The following FGF12 variants were observed in gnomAD, a reference collection of about 807,000 sequenced individuals.
The protein encoded by FGF12 is fibroblast growth factor 12B.
FGF12 carries 14 observed loss-of-function variants against 23.6 expected under a neutral mutation model. The observed-to-expected ratio is 0.59, with a 90% CI of 0.39 to 0.93. The LOEUF (loss-of-function observed/expected upper bound fraction) is 0.93. Ranked by LOEUF, FGF12 falls within the 40% of genes least tolerant of loss-of-function variation. The probability of loss-of-function intolerance (pLI) is 0.00; values close to 1 mark genes in which losing one functional copy is unlikely to be tolerated. For missense variants in FGF12, 175 were observed against 217.8 expected, an observed-to-expected ratio of 0.80 and a Z score of 1.24; for synonymous variants, 62 against 77.3, an observed-to-expected ratio of 0.80 and a Z score of 1.04.
chr3:192,569,984 AGCCAGT>A (rs1407890829), intron 2 of FGF12, among the ~76,000 whole-genome samples: 1 of 152,222 alleles, frequency 6.6e-6, no homozygotes, highest in Non-Finnish European at 1.5e-5. Flanking sequence ...CCCTACACTG[AGCCAGT>A]GCCGTAAAAG....
intron 2 of FGF12, among the ~76,000 whole-genome samples, chr3:192,410,278 C>T (rs1051180634): frequency 4.6e-5 from 7 of 152,162 alleles, no homozygotes; most frequent in Non-Finnish European, 7.4e-5. Flanking sequence ...TCCCGCCACC[C>T]CTCTCCCTCC....
At chr3:192,471,469 G>A (rs1723171731) in intron 2 of FGF12, among the ~76,000 whole-genome samples, 1 of 152,130 alleles carries the variant, frequency 6.6e-6, no homozygotes, top group Admixed American at 6.6e-5. Context: ...ATAATGTAAT[G>A]AGAAGAAATA....
intron 2 of FGF12, among the ~76,000 whole-genome samples, chr3:192,609,519 C>T (rs1714471609): frequency 6.6e-6 from 1 of 152,042 alleles, no homozygotes; most frequent in Non-Finnish European, 1.5e-5. Context: ...CATGTCTGTT[C>T]TTAAGATGCC....
intron 4 of FGF12, among the ~76,000 whole-genome samples, chr3:192,171,868 A>T (rs1204672081): frequency 7.1e-6 from 1 of 140,388 alleles, no homozygotes; most frequent in African/African-American, 2.6e-5. Flanking sequence ...CCTTATTTGT[A>T]GAGAGTGCTC....
chr3:192,358,626 T>A (rs943562850), intron 3 of FGF12, among the ~76,000 whole-genome samples: 8 of 152,116 alleles, frequency 5.3e-5, no homozygotes, highest in Non-Finnish European at 1.2e-4. Context: ...CGTTGTCAAT[T>A]ATTTTCCTAG....
At chr3:192,503,032 C>T (rs1020767962) in intron 2 of FGF12, among the ~76,000 whole-genome samples, 4 of 152,208 alleles carry the variant, frequency 2.6e-5, no homozygotes, top group African/African-American at 7.2e-5. Context: ...TGGCAAAGTT[C>T]TTGCGCCTCA....
chr3:192,633,527 T>C (rs1319455323), intron 2 of FGF12, among the ~76,000 whole-genome samples: 1 of 152,060 alleles, frequency 6.6e-6, no homozygotes, highest in Non-Finnish European at 1.5e-5. Context: ...ACACAAGTAA[T>C]AGGATGTGGA....
intron 5 of FGF12, among the ~76,000 whole-genome samples, chr3:192,144,830 T>A (rs1222355954): frequency 6.6e-6 from 1 of 152,222 alleles, no homozygotes; most frequent in African/African-American, 2.4e-5. Context: ...TATTCCTAGA[T>A]AATTGTTTAG....
chr3:192,390,530 G>C (rs1046375813), intron 2 of FGF12, among the ~76,000 whole-genome samples: 2 of 152,200 alleles, frequency 1.3e-5, no homozygotes, highest in Admixed American at 6.5e-5. Flanking sequence ...CCAGGTAGGA[G>C]ATTCTACAAC....
chr3:192,663,325 C>T (rs1054997722), intron 2 of FGF12, among the ~76,000 whole-genome samples: 1 of 152,162 alleles, frequency 6.6e-6, no homozygotes, highest in Non-Finnish European at 1.5e-5. Flanking sequence ...TACAATAGTA[C>T]TCTCTTCGCA....
intron 4 of FGF12, among the ~76,000 whole-genome samples, chr3:192,308,681 A>G (rs1000012861): frequency 1.5e-5 from 2 of 134,748 alleles, no homozygotes; most frequent in African/African-American, 6.6e-5. Context: ...ACTCCATCTC[A>G]AAAAAAAAAA....
At chr3:192,155,057 G>A (rs1714310680) in intron 5 of FGF12, among the ~76,000 whole-genome samples, 1 of 150,922 alleles carries the variant, frequency 6.6e-6, no homozygotes, top group Non-Finnish European at 1.5e-5. Flanking sequence ...GCAATATTCG[G>A]GTGGGAGTGA....
chr3:192,432,412 A>G (rs1294599140), intron 2 of FGF12, among the ~76,000 whole-genome samples: 4 of 152,148 alleles, frequency 2.6e-5, no homozygotes, highest in Admixed American at 2.6e-4. Context: ...CATACCCTAT[A>G]TAATCCACTC....
At chr3:192,266,798 C>CCACA (rs376275029) in intron 4 of FGF12, among the ~76,000 whole-genome samples, 2,119 of 146,788 alleles carry the variant, frequency 0.014, 34 homozygotes, top group African/African-American at 0.048. Flanking sequence ...TCTTTAAACA[C>CCACA]CACACACACA....
chr3:192,664,607 A>C (rs1716793102), intron 2 of FGF12, among the ~76,000 whole-genome samples: 1 of 142,550 alleles, frequency 7.0e-6, no homozygotes, highest in Admixed American at 7.0e-5. Context: ...AAAAAATACA[A>C]AAAAAAAAAA....
chr3:192,653,708 C>A (rs998138562), intron 2 of FGF12, among the ~76,000 whole-genome samples: 20 of 145,904 alleles, frequency 1.4e-4, no homozygotes, highest in African/African-American at 4.3e-4. Flanking sequence ...AATATATATT[C>A]CTCATTTGAG....
At position 192,207,416 on chromosome 3, in the gene FGF12, G is replaced by C. The variant is rs1577235879; in HGVS notation, c.229-36760C>G. On this transcript the variant is annotated intron_variant, in intron 4 of 5. Transcript: ENST00000445105. ...ATGACTAACTTTCCTTGGAATGCTG[G>C]AACAGTGATATTTGAGCTGAAGCTT... 6.6e-5 allele frequency among the ~76,000 whole-genome samples: 10 copies of C among 152,310 alleles called. 2 individuals carry two copies.
chr3:192,669,145 G>T (rs1290973555), intron 2 of FGF12, among the ~76,000 whole-genome samples: 1 of 152,164 alleles, frequency 6.6e-6, no homozygotes, highest in Non-Finnish European at 1.5e-5. Context: ...AATCGTATAT[G>T]TTAGAGTAGA....
At chr3:192,432,841 C>T (rs201345970) in intron 2 of FGF12, among the ~76,000 whole-genome samples, 1 of 151,964 alleles carries the variant, frequency 6.6e-6, no homozygotes, top group Non-Finnish European at 1.5e-5. Flanking sequence ...ACTGACCCAC[C>T]GAAACTGAGA....
Sources: allele counts gnomAD v4.1 joint callset (sites outside exome capture counted in the v4.1 genomes callset), GRCh38; gene constraint gnomAD v4.1.1; transcripts MANE v1.5; gene names NCBI Gene and HGNC (gene_info 2026-07-23, HGNC 2026-07-21).